The following PLCXD3 variants were observed in gnomAD, a reference collection of about 807,000 sequenced individuals.
PLCXD3 encodes phosphatidylinositol specific phospholipase C X domain containing 3, also known as PI-PLC X domain-containing protein 3.
A neutral mutation model predicts 25.5 loss-of-function variants in PLCXD3; 19 were observed. The observed-to-expected ratio is 0.75, with a 90% CI of 0.52 to 1.09. The LOEUF is 1.09. PLCXD3 is among the 50% of genes least tolerant of loss of function. PLCXD3 has a pLI of 0.00. For missense variants in PLCXD3, 411 were observed against 388.1 expected (o/e 1.06, Z -0.50); for synonymous variants, 174 against 137.6 (o/e 1.26, Z -1.85).
chr5:41,416,264 C>T (rs1004455771), intron 1 of PLCXD3, among the ~76,000 whole-genome samples: 13 of 152,278 alleles, frequency 8.5e-5, no homozygotes, highest in Admixed American at 3.9e-4. Context: ...AAGGAAAAAG[C>T]GACAGTATCT....
intron 2 of PLCXD3, among the ~76,000 whole-genome samples, chr5:41,330,585 A>T (rs113703959): frequency 0.082 from 12,491 of 152,178 alleles, 810 homozygotes; most frequent in East Asian, 0.35. Flanking sequence ...ATCCTCCCTA[A>T]CTCATTTTAT....
intron 1 of PLCXD3, among the ~76,000 whole-genome samples, chr5:41,399,037 T>C (rs1746098110): frequency 6.6e-6 from 1 of 151,976 alleles, no homozygotes; most frequent in Non-Finnish European, 1.5e-5. Flanking sequence ...AAAAAAAAAG[T>C]AGCATTTCTA....
At chr5:41,435,841 T>A (rs1268129835) in intron 1 of PLCXD3, among the ~76,000 whole-genome samples, 1 of 152,218 alleles carries the variant, frequency 6.6e-6, no homozygotes, top group African/African-American at 2.4e-5. Context: ...AGTTTCTCCT[T>A]CTCCCGTAAA....
At chr5:41,383,966 A>T (rs1469839194) in intron 1 of PLCXD3, among the ~76,000 whole-genome samples, 2 of 152,080 alleles carry the variant, frequency 1.3e-5, no homozygotes, top group Non-Finnish European at 1.5e-5. Flanking sequence ...TTAACAGCCC[A>T]TAAGAATCAC....
At chr5:41,398,768 G>A (rs1746086748) in intron 1 of PLCXD3, among the ~76,000 whole-genome samples, 1 of 152,024 alleles carries the variant, frequency 6.6e-6, no homozygotes, top group African/African-American at 2.4e-5. Context: ...GTATTATACT[G>A]AACGGAGAAA....
chr5:41,469,888 CA>C (rs2150519621), intron 1 of PLCXD3, among the ~76,000 whole-genome samples: 1 of 152,208 alleles, frequency 6.6e-6, no homozygotes, highest in Non-Finnish European at 1.5e-5. Flanking sequence ...TCTTAGGTAC[CA>C]ATAAAGGTTA....
chr5:41,394,077 C>T (rs1024893882), intron 1 of PLCXD3, among the ~76,000 whole-genome samples: 6 of 151,976 alleles, frequency 3.9e-5, no homozygotes, highest in Non-Finnish European at 5.9e-5. Flanking sequence ...ATAATAACTA[C>T]AACAATGTTT....
chr5:41,500,535 C>T (rs1748929936), intron 1 of PLCXD3, among the ~76,000 whole-genome samples: 1 of 150,798 alleles, frequency 6.6e-6, no homozygotes, highest in African/African-American at 2.4e-5. Flanking sequence ...AATCTATGCA[C>T]ATTTATCCCC....
chr5:41,451,118 C>A (rs1046765660), intron 1 of PLCXD3, among the ~76,000 whole-genome samples: 13 of 151,998 alleles, frequency 8.6e-5, no homozygotes, highest in Admixed American at 8.5e-4. Context: ...TCTTTTGGTA[C>A]ATATTGAACA....
At chr5:41,439,288 A>G (rs1278444893) in intron 1 of PLCXD3, among the ~76,000 whole-genome samples, 1 of 152,218 alleles carries the variant, frequency 6.6e-6, no homozygotes, top group Non-Finnish European at 1.5e-5. Flanking sequence ...TTGCCTATCC[A>G]ACATTTATTT....
chr5:41,500,547 A>G (rs1748930114), intron 1 of PLCXD3, among the ~76,000 whole-genome samples: 1 of 148,114 alleles, frequency 6.8e-6, no homozygotes, highest in Admixed American at 6.9e-5. Flanking sequence ...TTTATCCCCT[A>G]AACATATATA....
chr5:41,362,617 T>C (rs1275991073), intron 2 of PLCXD3, among the ~76,000 whole-genome samples: 2 of 152,192 alleles, frequency 1.3e-5, no homozygotes, highest in African/African-American at 4.8e-5. Context: ...AACTTCACCT[T>C]AGGTTTGTGG....
In PLCXD3 at chr5:41,402,146, CT is replaced by C. The variant is rs199613693; in HGVS notation, c.104-19613del. ...AAATTGCTTTTGGTTTAATTTGTTCCTTTTTTTTAGCTTTTTAAGGCTGAAA... is the reference window on the plus strand; with the variant it reads ...AAATTGCTTTTGGTTTAATTTGTTCCTTTTTTTAGCTTTTTAAGGCTGAAA... On this transcript the variant is annotated intron_variant, in intron 1 of 2. Coordinates refer to ENST00000377801, the MANE Select transcript of PLCXD3 (RefSeq NM_001005473.3). 2.2e-3 allele frequency among the ~76,000 whole-genome samples: 334 copies of C among 151,182 alleles called. 1 individual carries two copies. Among genetic ancestry groups the C allele is most frequent in the African/African-American group, 7.6e-3 (314 of 41,356 alleles).
chr5:41,392,369 C>T (rs1745854996), intron 1 of PLCXD3, among the ~76,000 whole-genome samples: 1 of 152,054 alleles, frequency 6.6e-6, no homozygotes, highest in African/African-American at 2.4e-5. Context: ...GAGAGAGAGA[C>T]TCTGTATATT....
chr5:41,329,927 G>GTA (rs1033667094), intron 2 of PLCXD3, among the ~76,000 whole-genome samples: 5 of 151,294 alleles, frequency 3.3e-5, no homozygotes, highest in Admixed American at 3.3e-4. Flanking sequence ...ATGTATTTGT[G>GTA]TATATATAAT....
chr5:41,483,726 A>G (rs1171655679), intron 1 of PLCXD3, among the ~76,000 whole-genome samples: 1 of 152,168 alleles, frequency 6.6e-6, no homozygotes, highest in Non-Finnish European at 1.5e-5. Flanking sequence ...ATGTATATTT[A>G]CAACTATTAA....
At chr5:41,398,687 A>G (rs2150498892) in intron 1 of PLCXD3, among the ~76,000 whole-genome samples, 1 of 152,344 alleles carries the variant, frequency 6.6e-6, no homozygotes, top group Non-Finnish European at 1.5e-5. Context: ...TTTATGATAA[A>G]AATCCCCAAA....
At chr5:41,328,822 G>T (rs953742398) in intron 2 of PLCXD3, among the ~76,000 whole-genome samples, 5 of 152,164 alleles carry the variant, frequency 3.3e-5, no homozygotes, top group African/African-American at 1.2e-4. Context: ...TTAAGAGTTG[G>T]AAATGCTGAG....
chr5:41,429,598 A>G (rs1002316750), intron 1 of PLCXD3, among the ~76,000 whole-genome samples: 1 of 152,134 alleles, frequency 6.6e-6, no homozygotes, highest in African/African-American at 2.4e-5. Flanking sequence ...TTGAATGTGG[A>G]TATGTATTAA....
Sources: gnomAD v4.1 joint callset for allele counts (sites outside exome capture counted in the v4.1 genomes callset) on GRCh38, gnomAD v4.1.1 for gene constraint, MANE v1.5 for transcripts, NCBI Gene and HGNC (gene_info 2026-07-23, HGNC 2026-07-21) for gene names.